The following PAH variants were observed in gnomAD, a reference collection of about 807,000 sequenced individuals.
PAH encodes phenylalanine hydroxylase, also known as phenylalanine-4-hydroxylase.
PAH carries 64 observed loss-of-function variants against 62.0 expected under a neutral mutation model. That is an observed-to-expected ratio of 1.03 (90% CI 0.84 to 1.27). The LOEUF (loss-of-function observed/expected upper bound fraction) is 1.27. PAH is among the 50% of genes most tolerant of loss of function. The pLI, the probability that PAH is intolerant of heterozygous loss-of-function variation, is 0.00. For missense variants in PAH, 579 were observed against 542.8 expected, an observed-to-expected ratio of 1.07 and a Z score of -0.66; for synonymous variants, 195 against 196.2, an observed-to-expected ratio of 0.99 and a Z score of 0.05.
Position 102,852,009 on chromosome 12 carries a change from C to T in PAH, c.843-253G>A, listed in dbSNP as rs1875174404. 6.0e-6 allele frequency: 3 copies of T among 502,990 alleles called. No homozygotes were observed. The South Asian group carries it at 6.4e-5, about 11-fold the overall frequency. The allele number at this position is 502,990 out of a possible 1,614,324, so 31.2% of individuals were successfully genotyped here. On this transcript the variant is annotated intron_variant, in intron 7 of 12. Transcript: ENST00000553106. ...CAGCAGCCAAGGGTCTTAAGAGTAT[C>T]CCCAGTGGGGTACCAGGCAGAAGAG... is the stretch of plus-strand genomic sequence containing the variant.
chr12:102,868,429 C>T (rs1417079925), intron 4 of PAH, among the ~76,000 whole-genome samples: 1 of 150,760 alleles, frequency 6.6e-6, no homozygotes, highest in Non-Finnish European at 1.5e-5. Context: ...AGTAAAACTA[C>T]TACACATTTT....
chr12:102,912,632 G>A (rs540133975), intron 2 of PAH, among the ~76,000 whole-genome samples, 159 bp downstream of exon 2: 1 of 152,222 alleles, frequency 6.6e-6, no homozygotes, highest in South Asian at 2.1e-4. Context: ...GAGATTGAAT[G>A]ACTTAACTAA....
upstream of PAH, chr12:102,958,370 C>G (rs1329290573): frequency 6.9e-7 from 1 of 1,442,688 alleles, no homozygotes; most frequent in Non-Finnish European, 9.1e-7. Flanking sequence ...CGGCCGCAGC[C>G]GCCGCAGCGG....
intron 3 of PAH, among the ~76,000 whole-genome samples, chr12:102,882,117 C>T (rs559028375): frequency 6.6e-6 from 1 of 152,322 alleles, no homozygotes; most frequent in African/African-American, 2.4e-5. Context: ...TCCTTGCCAA[C>T]TCTTACCTCT....
At chr12:102,906,845 C>T (rs1290162470) in intron 2 of PAH, among the ~76,000 whole-genome samples, 1 of 152,210 alleles carries the variant, frequency 6.6e-6, no homozygotes, top group Admixed American at 6.5e-5. Flanking sequence ...CTCTTGGCCA[C>T]TCCATTGTGC....
intron 3 of PAH, among the ~76,000 whole-genome samples, chr12:102,890,831 T>C (rs1426421404): frequency 1.3e-5 from 2 of 152,126 alleles, no homozygotes; most frequent in Non-Finnish European, 2.9e-5. Context: ...ACTTGTAATC[T>C]CAGCACTTTG....
chr12:102,840,578 G>T, intron 11 of PAH, 63 bp from the exon 12 acceptor site: 1 of 1,105,858 alleles, frequency 9.0e-7, no homozygotes, highest in Non-Finnish European at 1.4e-6. Context: ...TCTTAAGAGA[G>T]TTCTCAGTGG....
At chr12:102,863,238 TG>T (rs1329750324) in intron 5 of PAH, among the ~76,000 whole-genome samples, 1 of 152,172 alleles carries the variant, frequency 6.6e-6, no homozygotes, top group Non-Finnish European at 1.5e-5. Flanking sequence ...ATTGGATAAT[TG>T]ATCATTACCA....
intron 2 of PAH, among the ~76,000 whole-genome samples, chr12:102,896,789 A>G (rs1479541800): frequency 6.6e-6 from 1 of 152,170 alleles, no homozygotes; most frequent in African/African-American, 2.4e-5. Context: ...ATCCAACGGG[A>G]AAAAAAGAGC....
At chr12:102,859,857 AGCCAATATCATACTGAATGG>A (rs1387704283) in intron 5 of PAH, among the ~76,000 whole-genome samples, 1 of 152,218 alleles carries the variant, frequency 6.6e-6, no homozygotes, top group African/African-American at 2.4e-5. Context: ...ACAAACCCAC[AGCCAATATCATACTGAATGG>A]GCAAAAGCTG....
At chr12:102,898,825 A>G (rs1243033059) in intron 2 of PAH, among the ~76,000 whole-genome samples, 1 of 152,210 alleles carries the variant, frequency 6.6e-6, no homozygotes, top group Non-Finnish European at 1.5e-5. Context: ...ACAAATATCA[A>G]CTTTGATTAT....
intron 4 of PAH, among the ~76,000 whole-genome samples, chr12:102,869,593 T>C (rs771358031): frequency 4.7e-4 from 71 of 152,236 alleles, no homozygotes; most frequent in Non-Finnish European, 9.0e-4. Flanking sequence ...CACACACAGA[T>C]AATGCACTAT....
upstream of PAH, among the ~76,000 whole-genome samples, chr12:102,955,216 G>A (rs377065941): frequency 6.6e-5 from 10 of 152,312 alleles, no homozygotes; most frequent in African/African-American, 2.4e-4. Context: ...AGGAGAGGAG[G>A]TTCTGTCCTC....
rs760011862 is a variant in PAH at position 102,912,852 on chromosome 12, G to A, written c.107C>T (p.Ser36Leu). 6.2e-7 allele frequency: 1 copy of A among 1,613,714 alleles called. No homozygotes were observed. The change falls in exon 2 of 13, where the codon TCA becomes TTA. Residue 36 changes from serine (S) to leucine (L), a missense_variant. By Grantham distance (145) the Ser-to-Leu change is moderately radical (BLOSUM62 -2). Coordinates refer to ENST00000553106, the MANE Select transcript of PAH (RefSeq NM_000277.3). Reference protein sequence around the residue: ...EDNCNQNGAISLIFSLKEEVG... With the variant: ...EDNCNQNGAILLIFSLKEEVG... ...TTCTTCTTTGAGTGAGAAGATCAGT[G>A]ATATGGCACCATTTTGATTGCAGTT... is the stretch of plus-strand genomic sequence containing the variant.
At position 102,877,474 on chromosome 12, in the gene PAH, A is replaced by G. The variant is rs1876620719; in HGVS notation, c.429T>C (p.Asp143=). 1 of 1,613,756 alleles carries G rather than the reference A, an allele frequency of 6.2e-7. No homozygotes were observed. The highest frequency in any genetic ancestry group is 1.1e-5 in the South Asian group (1 of 91,062). Reference sequence around the variant, plus strand: ...GCCATGGACTCACAGGGTGGTCAGCATCCAGTTCCGCTCCATAGCTGAGAA... The same window carrying G: ...GCCATGGACTCACAGGGTGGTCAGCGTCCAGTTCCGCTCCATAGCTGAGAA... The part of the protein sequence containing the change: ...NQILSYGAEL[D]ADHPGFKDPV... The change falls in exon 4 of 13, where the codon GAT becomes GAC. Residue 143 remains aspartate (D), a synonymous_variant. Coordinates refer to ENST00000553106, the MANE Select transcript of PAH (RefSeq NM_000277.3).
intron 4 of PAH, among the ~76,000 whole-genome samples, chr12:102,869,498 T>TA (rs1381522683): frequency 6.6e-5 from 10 of 151,934 alleles, no homozygotes; most frequent in Admixed American, 6.6e-5. Context: ...TCTTTTAGAA[T>TA]AAAAAAAAGA....
chr12:102,908,802 T>C (rs1393573344), intron 2 of PAH, among the ~76,000 whole-genome samples: 1 of 151,884 alleles, frequency 6.6e-6, no homozygotes, highest in Non-Finnish European at 1.5e-5. Flanking sequence ...TAGGATCCCA[T>C]TCAAAATACC....
upstream of PAH, among the ~76,000 whole-genome samples, chr12:102,918,379 T>C (rs1878463819): frequency 6.6e-6 from 1 of 152,008 alleles, no homozygotes; most frequent in Admixed American, 6.6e-5. Context: ...TGTAAGAAAA[T>C]AAGCCAATAA....
intron 2 of PAH, among the ~76,000 whole-genome samples, chr12:102,912,202 G>A (rs1212853101): frequency 6.6e-6 from 1 of 152,038 alleles, no homozygotes; most frequent in South Asian, 2.1e-4. Context: ...TAATATGCCC[G>A]AATTTCCCAA....
Sources: gnomAD v4.1 joint callset for allele counts (sites outside exome capture counted in the v4.1 genomes callset) on GRCh38, gnomAD v4.1.1 for gene constraint, MANE v1.5 for transcripts, NCBI Gene and HGNC (gene_info 2026-07-23, HGNC 2026-07-21) for gene names.